Variants in ERC2 observed in about 807,000 individuals in gnomAD.
ERC2 encodes the protein ERC protein 2.
Under a neutral mutation model 114.8 loss-of-function variants are expected in ERC2, and 42 were observed. That is an observed-to-expected ratio of 0.37 (90% CI 0.29 to 0.47). The LOEUF is 0.47. Ranked by LOEUF, ERC2 falls within the 20% of genes least tolerant of loss-of-function variation. The pLI, the probability that ERC2 is intolerant of heterozygous loss-of-function variation, is 0.99. For synonymous variants in ERC2, 454 were observed against 425.5 expected (o/e 1.07, Z -0.82); for missense variants, 939 against 1,150.7 (o/e 0.82, Z 2.66).
At chr3:56,152,177 C>G (rs2081446724) in intron 4 of ERC2, among the ~76,000 whole-genome samples, 2 of 152,054 alleles carry the variant, frequency 1.3e-5, no homozygotes, top group Non-Finnish European at 2.9e-5. Context: ...TTGAGAAATG[C>G]TTGTTAGGAA....
At chr3:56,240,613 A>C (rs1378937386) in intron 3 of ERC2, among the ~76,000 whole-genome samples, 2 of 152,218 alleles carry the variant, frequency 1.3e-5, no homozygotes, top group Non-Finnish European at 2.9e-5. Context: ...ACCCACAGAG[A>C]AAAGAAAATC....
intron 13 of ERC2, among the ~76,000 whole-genome samples, chr3:55,899,185 A>G (rs1454480829): frequency 6.6e-6 from 1 of 152,208 alleles, no homozygotes; most frequent in Non-Finnish European, 1.5e-5. Context: ...TTTGTGGAAC[A>G]TTTACCTTTT....
At chr3:55,610,516 C>CACACAT (rs968168956) in intron 17 of ERC2, 4 of 150,042 alleles carry the variant, frequency 2.7e-5, no homozygotes, top group African/African-American at 1.0e-4. Context: ...AACACACACA[C>CACACAT]ACACACACAC....
At chr3:55,684,409 C>T (rs1266119072) in intron 16 of ERC2, among the ~76,000 whole-genome samples, 1 of 152,100 alleles carries the variant, frequency 6.6e-6, no homozygotes, top group Non-Finnish European at 1.5e-5. Context: ...TCCACAAAGG[C>T]TCAAACATGC....
intron 5 of ERC2, among the ~76,000 whole-genome samples, chr3:56,146,194 G>A (rs796966668): frequency 6.6e-6 from 1 of 152,210 alleles, no homozygotes; most frequent in African/African-American, 2.4e-5. Context: ...AGGCTGGGTG[G>A]GAGAATTGGT....
At chr3:56,066,091 A>G (rs1388558614) in intron 7 of ERC2, among the ~76,000 whole-genome samples, 1 of 152,080 alleles carries the variant, frequency 6.6e-6, no homozygotes, top group Non-Finnish European at 1.5e-5. Flanking sequence ...GTCAAACAGT[A>G]TTTCTGGTTC....
chr3:56,172,030 CTCTT>C, intron 4 of ERC2, among the ~76,000 whole-genome samples: 1 of 130,290 alleles, frequency 7.7e-6, no homozygotes. Context: ...TTCATTTTTC[CTCTT>C]TTTTTTTTTT....
intron 17 of ERC2, among the ~76,000 whole-genome samples, chr3:55,532,463 C>T (rs2053730373): frequency 6.6e-6 from 1 of 152,174 alleles, no homozygotes; most frequent in Non-Finnish European, 1.5e-5. Flanking sequence ...GCAAACAAAC[C>T]TCTATGTCCA....
intron 17 of ERC2, among the ~76,000 whole-genome samples, chr3:55,520,896 T>C (rs1287464911): frequency 6.6e-6 from 1 of 152,186 alleles, no homozygotes; most frequent in Non-Finnish European, 1.5e-5. Context: ...CTAAACTGGA[T>C]CTTAAGAAAG....
intron 17 of ERC2, among the ~76,000 whole-genome samples, chr3:55,636,336 G>A (rs985333099): frequency 6.6e-6 from 1 of 152,148 alleles, no homozygotes; most frequent in African/African-American, 2.4e-5. Context: ...CCTGGTTCCA[G>A]TCCTTGTTCT....
intron 4 of ERC2, among the ~76,000 whole-genome samples, chr3:56,166,647 T>C (rs1311283450): frequency 6.6e-6 from 1 of 152,094 alleles, no homozygotes; most frequent in African/African-American, 2.4e-5. Context: ...TTAAAAAGAA[T>C]TTTTTCATTT....
intron 11 of ERC2, among the ~76,000 whole-genome samples, chr3:55,986,918 A>G (rs1272651061): frequency 6.6e-6 from 1 of 152,110 alleles, no homozygotes; most frequent in East Asian, 1.9e-4. Context: ...AACAAAGTGG[A>G]TAAACAAATA....
chr3:56,011,770 G>T (rs2072959729), intron 8 of ERC2, among the ~76,000 whole-genome samples: 1 of 152,132 alleles, frequency 6.6e-6, no homozygotes, highest in East Asian at 1.9e-4. Flanking sequence ...TGTGGCCAAG[G>T]ATCCTGATAC....
At chr3:55,560,750 T>C (rs916246365) in intron 17 of ERC2, among the ~76,000 whole-genome samples, 9 of 152,166 alleles carry the variant, frequency 5.9e-5, no homozygotes, top group Non-Finnish European at 1.0e-4. Context: ...GCATTTGTTA[T>C]ACAACAAGAG....
intron 2 of ERC2, among the ~76,000 whole-genome samples, chr3:56,384,686 A>G (rs1021395922): frequency 2.6e-5 from 4 of 152,116 alleles, no homozygotes; most frequent in Non-Finnish European, 5.9e-5. Context: ...TTTTTGATGT[A>G]TGATTTTAAA....
chr3:56,190,962 A>G (rs1021143197), intron 3 of ERC2, among the ~76,000 whole-genome samples: 2 of 152,200 alleles, frequency 1.3e-5, no homozygotes, highest in African/African-American at 4.8e-5. Context: ...GAGGGCACCA[A>G]GATAAGTCAA....
At chr3:55,734,625 A>G (rs539008440) in intron 15 of ERC2, 146 bp downstream of exon 15, 358 of 874,204 alleles carry the variant, frequency 4.1e-4, no homozygotes, top group African/African-American at 3.0e-3. Flanking sequence ...TGTTGCAGCG[A>G]CAACTGGGTC....
At chr3:55,682,345 G>C (rs2062097784) in intron 17 of ERC2, among the ~76,000 whole-genome samples, 1 of 152,164 alleles carries the variant, frequency 6.6e-6, no homozygotes, top group Admixed American at 6.5e-5. Context: ...CAAGAAAAGG[G>C]AGAAGAGATG....
chr3:56,301,004 C>T (rs1447117992), intron 2 of ERC2, among the ~76,000 whole-genome samples: 1 of 152,198 alleles, frequency 6.6e-6, no homozygotes, highest in Non-Finnish European at 1.5e-5. Flanking sequence ...AATCCCAGCA[C>T]TTCGGGAGAT....
Sources: allele counts gnomAD v4.1 joint callset (sites outside exome capture counted in the v4.1 genomes callset), GRCh38; gene constraint gnomAD v4.1.1; transcripts MANE v1.5; gene names NCBI Gene and HGNC (gene_info 2026-07-23, HGNC 2026-07-21).